ARMC8: variants seen among roughly 807,000 people sequenced by gnomAD.
ARMC8 encodes armadillo repeat containing 8, also known as armadillo repeat-containing protein 8.
Under a neutral mutation model 99.3 loss-of-function variants are expected in ARMC8, and 20 were observed. The ratio of observed to expected loss-of-function variants is 0.20; its 90% CI spans 0.14 to 0.29. The LOEUF is 0.29. Ranked by LOEUF, ARMC8 falls within the 10% of genes least tolerant of loss-of-function variation. The probability of loss-of-function intolerance (pLI) is 1.00; values close to 1 mark genes in which losing one functional copy is unlikely to be tolerated. For missense variants in ARMC8, 569 were observed against 809.5 expected (o/e 0.70, Z 3.60); for synonymous variants, 263 against 278.3 (o/e 0.95, Z 0.55).
chr3:138,208,009 C>G (rs1019336671), intron 1 of ARMC8, among the ~76,000 whole-genome samples: 15 of 151,540 alleles, frequency 9.9e-5, no homozygotes, highest in African/African-American at 3.6e-4. Flanking sequence ...TACCTGTAGT[C>G]AAGTTACTTG....
At chr3:138,268,402 G>A (rs1361003567) in intron 15 of ARMC8, among the ~76,000 whole-genome samples, 1 of 152,114 alleles carries the variant, frequency 6.6e-6, no homozygotes, top group Admixed American at 6.5e-5. Flanking sequence ...CCTGTAGACG[G>A]GGTCTTGGCC....
intron 10 of ARMC8, among the ~76,000 whole-genome samples, chr3:138,240,459 AACCTT>A (rs1345122881): frequency 6.6e-6 from 1 of 152,200 alleles, no homozygotes; most frequent in East Asian, 1.9e-4. Flanking sequence ...TTACTTCTCT[AACCTT>A]CCTCTTTTTC....
At chr3:138,285,016 A>T (rs1355873612) in intron 19 of ARMC8, among the ~76,000 whole-genome samples, 1 of 152,174 alleles carries the variant, frequency 6.6e-6, no homozygotes, top group Non-Finnish European at 1.5e-5. Flanking sequence ...TCCACTTCTC[A>T]TTCTGTCAAC....
intron 6 of ARMC8, among the ~76,000 whole-genome samples, chr3:138,232,901 C>T (rs897705303): frequency 6.6e-5 from 10 of 152,208 alleles, no homozygotes; most frequent in African/African-American, 2.2e-4. Context: ...CTGCCTACTT[C>T]GCTTTTGCTA....
intron 12 of ARMC8, among the ~76,000 whole-genome samples, chr3:138,255,849 A>G (rs934159571): frequency 2.0e-5 from 3 of 152,164 alleles, no homozygotes; most frequent in Admixed American, 6.5e-5. Context: ...GCGTGGTGGC[A>G]TGCACCTATA....
At chr3:138,287,080 A>G (rs188747041) in intron 19 of ARMC8, among the ~76,000 whole-genome samples, 19 of 152,276 alleles carry the variant, frequency 1.2e-4, no homozygotes, top group Admixed American at 1.0e-3. Flanking sequence ...TAACTATATA[A>G]CAGTATCTTC....
At chr3:138,202,981 A>G (rs1030066981) in intron 1 of ARMC8, among the ~76,000 whole-genome samples, 14 of 152,300 alleles carry the variant, frequency 9.2e-5, no homozygotes, top group African/African-American at 3.4e-4. Context: ...TTCAAAAGGC[A>G]ATGGTTTAAA....
intron 1 of ARMC8, among the ~76,000 whole-genome samples, chr3:138,199,637 T>C: frequency 6.6e-6 from 1 of 152,194 alleles, no homozygotes; most frequent in Non-Finnish European, 1.5e-5. Context: ...TTTAATATTG[T>C]TTGTCTTTCA....
intron 20 of ARMC8, 30 bp downstream of exon 20, chr3:138,289,150 A>G (rs1251550013): frequency 3.2e-6 from 5 of 1,562,560 alleles, no homozygotes; most frequent in East Asian, 2.2e-5. Flanking sequence ...TGTTTTGAAA[A>G]AAATTATGGG....
At position 138,209,849 on chromosome 3, in the gene ARMC8, C is replaced by G; in HGVS notation, c.78C>G (p.Asp26Glu). ...CAGCTAGCAGTCGCCACTATGTTGA[C>G]AGGCTATTTGACCCTGATCCCCAGA... is the stretch of plus-strand genomic sequence containing the variant. ...EVTASSRHYV[D>E]RLFDPDPQKV... The change falls in exon 2 of 22, where the codon GAC (aspartate) becomes GAG (glutamate). Residue 26 changes from aspartate (D) to glutamate (E), a missense_variant. Asp to Glu is a conservative substitution (Grantham distance 45). Coordinates refer to ENST00000469044, the MANE Select transcript of ARMC8 (RefSeq NM_001363941.2). The G allele has an allele frequency of 6.2e-7, 1 of 1,613,948 alleles. No homozygotes were observed. The highest frequency in any genetic ancestry group is 8.5e-7 in the Non-Finnish European group (1 of 1,179,884).
In ARMC8 at chr3:138,187,491, G is replaced by C; in HGVS notation, c.-64G>C. ...GAGCGGTGCCTAGCGTTGGCCAATA[G>C]TTGGCTGTCGAAAGTGCCGGCCCCC... On this transcript the variant is annotated 5_prime_UTR_variant, in exon 1 of 22. Transcript: ENST00000469044. The C allele has an allele frequency of 1.3e-6, 2 of 1,513,750 alleles. No homozygotes were observed. The highest frequency in any genetic ancestry group is 1.8e-6 in the Non-Finnish European group (2 of 1,126,950). The allele number at this position is 1,513,750 out of a possible 1,614,324, so 93.8% of individuals were successfully genotyped here.
chr3:138,285,079 CTG>C (rs373003575), intron 19 of ARMC8, among the ~76,000 whole-genome samples: 192 of 152,350 alleles, frequency 1.3e-3, no homozygotes, highest in African/African-American at 4.4e-3. Context: ...TCACACCTAT[CTG>C]TCTTCTCTAT....
At chr3:138,191,181 A>C (rs2043361865) in intron 1 of ARMC8, among the ~76,000 whole-genome samples, 1 of 152,198 alleles carries the variant, frequency 6.6e-6, no homozygotes, top group South Asian at 2.1e-4. Flanking sequence ...GGTACTCAGT[A>C]AATGTTTGAT....
chr3:138,271,935 AC>A (rs2048842129), intron 16 of ARMC8, among the ~76,000 whole-genome samples: 1 of 151,944 alleles, frequency 6.6e-6, no homozygotes, highest in Non-Finnish European at 1.5e-5. Flanking sequence ...AGCTGGGATT[AC>A]AGGCGTGTGC....
chr3:138,269,071 A>C (rs1485470168), intron 15 of ARMC8, among the ~76,000 whole-genome samples: 1 of 152,216 alleles, frequency 6.6e-6, no homozygotes, highest in Non-Finnish European at 1.5e-5. Context: ...GATTAGGTAC[A>C]TAGTACGAGA....
At chr3:138,237,264 T>A (rs2046380379) in intron 7 of ARMC8, 45 bp from the exon 8 acceptor site, 1 of 1,551,658 alleles carries the variant, frequency 6.4e-7, no homozygotes, top group Admixed American at 1.8e-5. Context: ...AAATTTGCAT[T>A]TGCAGAATTA....
chr3:138,256,402 C>CTTTTTTTTTTTTTTTTTT (rs71146121), intron 12 of ARMC8, among the ~76,000 whole-genome samples: 3 of 90,302 alleles, frequency 3.3e-5, no homozygotes, highest in African/African-American at 9.1e-5. Context: ...TTTCCTCCTT[C>CTTTTTTTTTTTTTTTTTT]TTTTTTTTTT....
intron 12 of ARMC8, among the ~76,000 whole-genome samples, chr3:138,247,162 C>CT (rs1215204348): frequency 6.6e-6 from 1 of 151,922 alleles, no homozygotes; most frequent in African/African-American, 2.4e-5. Flanking sequence ...ATTTCTTTTC[C>CT]TTTTTTGTTG....
At chr3:138,254,663 T>C (rs1181451383) in intron 12 of ARMC8, among the ~76,000 whole-genome samples, 1 of 152,242 alleles carries the variant, frequency 6.6e-6, no homozygotes, top group African/African-American at 2.4e-5. Context: ...TATTTTTTGA[T>C]AGAAGTATTG....
Sources: gnomAD v4.1 joint callset for allele counts (sites outside exome capture counted in the v4.1 genomes callset) on GRCh38, gnomAD v4.1.1 for gene constraint, MANE v1.5 for transcripts, NCBI Gene and HGNC (gene_info 2026-07-23, HGNC 2026-07-21) for gene names.